DNAJC18: variants seen among roughly 807,000 people sequenced by gnomAD.
DNAJC18 encodes the protein dnaJ homolog subfamily C member 18.
DNAJC18 carries 40 observed loss-of-function variants against 48.6 expected under a neutral mutation model. The ratio of observed to expected loss-of-function variants is 0.82; its 90% CI spans 0.64 to 1.07. DNAJC18 has a LOEUF of 1.07. Ranked by LOEUF, DNAJC18 falls within the 50% of genes least tolerant of loss-of-function variation. DNAJC18 has a pLI of 0.00. For missense variants in DNAJC18, 340 were observed against 427.7 expected, an observed-to-expected ratio of 0.79 and a Z score of 1.81; for synonymous variants, 135 against 152.2, an observed-to-expected ratio of 0.89 and a Z score of 0.83.
chr5:139,417,207 AT>A (rs1346628692), intron 7 of DNAJC18, among the ~76,000 whole-genome samples: 14 of 140,700 alleles, frequency 1.0e-4, no homozygotes, highest in South Asian at 4.6e-4. Context: ...AAAAAAAAAA[AT>A]TTTCACCCAG....
intron 3 of DNAJC18, among the ~76,000 whole-genome samples, chr5:139,426,616 T>G (rs11242465): frequency 0.72 from 109,753 of 152,062 alleles, 40,296 homozygotes; most frequent in African/African-American, 0.82. Context: ...AACAGTCCTG[T>G]AGTCATCCCA....
intron 7 of DNAJC18, among the ~76,000 whole-genome samples, chr5:139,415,344 A>G (rs552046895): frequency 6.6e-6 from 1 of 152,292 alleles, no homozygotes; most frequent in South Asian, 2.1e-4. Context: ...TATCAACACA[A>G]AACACTGTCT....
At chr5:139,425,453 C>T (rs766485189) in intron 4 of DNAJC18, among the ~76,000 whole-genome samples, 4 of 152,168 alleles carry the variant, frequency 2.6e-5, no homozygotes, top group African/African-American at 7.2e-5. Flanking sequence ...CGTAAGCTAC[C>T]GCGCCTGACC....
At chr5:139,437,757 A>C (rs1214080273) in intron 1 of DNAJC18, among the ~76,000 whole-genome samples, 199 bp from the exon 2 acceptor site, 1 of 152,188 alleles carries the variant, frequency 6.6e-6, no homozygotes, top group Non-Finnish European at 1.5e-5. Flanking sequence ...GTCAGAAGAG[A>C]CACTGCTCGT....
chr5:139,431,027 G>A (rs761224964), intron 2 of DNAJC18, among the ~76,000 whole-genome samples: 9 of 152,060 alleles, frequency 5.9e-5, no homozygotes, highest in Non-Finnish European at 1.0e-4. Context: ...GAAATTCATC[G>A]TAAGTCAGTA....
At chr5:139,428,509 C>T in intron 3 of DNAJC18, 29 bp downstream of exon 3, 1 of 1,593,456 alleles carries the variant, frequency 6.3e-7, no homozygotes, top group Non-Finnish European at 8.5e-7. Flanking sequence ...ATGACAAGGG[C>T]ACCATTGAGC....
At position 139,412,246 on chromosome 5, in the gene DNAJC18, G is replaced by A. The variant is rs1759005892; in HGVS notation, c.*1902C>T. 1 of 152,570 alleles carries A rather than the reference G, an allele frequency of 6.6e-6. No homozygotes were observed. The highest frequency in any genetic ancestry group is 2.1e-4 in the South Asian group (1 of 4,832). 9.5% of individuals were successfully genotyped at this position (152,570 alleles called of 1,614,324 possible). Reference sequence around the variant, plus strand: ...CTGTGTAAATCATGGCCATGCATTGGGATGAAGAAACTTTACTTTGGAATC... The same window carrying A: ...CTGTGTAAATCATGGCCATGCATTGAGATGAAGAAACTTTACTTTGGAATC... On this transcript the variant is annotated 3_prime_UTR_variant, in exon 8 of 8. Transcript: ENST00000302060.
At position 139,422,784 on chromosome 5, in the gene DNAJC18, C is replaced by A. The variant is rs534046511; in HGVS notation, c.703G>T (p.Val235Phe). The change falls in exon 6 of 8, where the codon GTT (valine) becomes TTT (phenylalanine). Residue 235 changes from valine (V) to phenylalanine (F), a missense_variant. Val to Phe is a conservative substitution (Grantham distance 50). Transcript: ENST00000302060. Reference protein sequence around the residue: ...TYSAFIQLLPVLVIVIISVIT... With the variant: ...TYSAFIQLLPFLVIVIISVIT... ...ACAGATATAATCACAATCACAAGAA[C>A]TGGAAGTAGCTGAATAAATGCAGAA... 6.2e-7 allele frequency: 1 copy of A among 1,608,784 alleles called. No individual in the cohort carries two copies. The highest frequency in any genetic ancestry group is 1.3e-5 in the African/African-American group (1 of 74,466).
At chr5:139,430,566 C>T (rs1723816847) in intron 2 of DNAJC18, among the ~76,000 whole-genome samples, 1 of 150,520 alleles carries the variant, frequency 6.6e-6, no homozygotes, top group South Asian at 2.1e-4. Context: ...TAAATATTAC[C>T]TAGTACTATA....
chr5:139,435,704 A>ATTTTTTTTTTTTTTTTTTTTTTT (rs1561470246), intron 2 of DNAJC18, among the ~76,000 whole-genome samples: 1 of 20,130 alleles, frequency 5.0e-5, no homozygotes, highest in African/African-American at 1.2e-4. Flanking sequence ...CTTCATTGGA[A>ATTTTTTTTTTTTTTTTTTTTTTT]GTTTTTTTTT....
At chr5:139,438,580 G>A (rs1369127138) in intron 1 of DNAJC18, among the ~76,000 whole-genome samples, 8 of 152,166 alleles carry the variant, frequency 5.3e-5, no homozygotes. Flanking sequence ...CTTCTCTGGA[G>A]GACCTGAGAA....
intron 4 of DNAJC18, 142 bp from the exon 5 acceptor site, chr5:139,425,256 T>G: frequency 1.8e-6 from 1 of 542,994 alleles, no homozygotes; most frequent in Non-Finnish European, 3.2e-6. Flanking sequence ...CTCTGCTTCC[T>G]GGGTTCAAGC....
At chr5:139,433,413 C>T (rs1454983881) in intron 2 of DNAJC18, among the ~76,000 whole-genome samples, 4 of 146,460 alleles carry the variant, frequency 2.7e-5, no homozygotes, top group South Asian at 4.5e-4. Flanking sequence ...CACTGCACTC[C>T]GGCTTGGGCG....
intron 2 of DNAJC18, among the ~76,000 whole-genome samples, chr5:139,430,825 C>T (rs1759319875): frequency 6.6e-6 from 1 of 152,116 alleles, no homozygotes. Context: ...CCTGCCTTGG[C>T]CTCCTAAAGT....
At chr5:139,418,132 C>T (rs1349801953) in intron 7 of DNAJC18, among the ~76,000 whole-genome samples, 1 of 152,192 alleles carries the variant, frequency 6.6e-6, no homozygotes, top group Admixed American at 6.5e-5. Context: ...TGGGGATTTT[C>T]AGGACATACA....
intron 2 of DNAJC18, among the ~76,000 whole-genome samples, chr5:139,431,169 T>A (rs1342149074): frequency 6.6e-6 from 1 of 152,154 alleles, no homozygotes; most frequent in East Asian, 1.9e-4. Flanking sequence ...CAGGACTCCC[T>A]CTCCTAAATT....
intron 5 of DNAJC18, among the ~76,000 whole-genome samples, chr5:139,423,750 C>CAA (rs58355923): frequency 2.4e-5 from 3 of 127,098 alleles, no homozygotes; most frequent in Non-Finnish European, 3.5e-5. Context: ...TTCCAAAATC[C>CAA]AAAAAAAAAA....
At chr5:139,426,440 AGAGGTGACTCGTGCTG>A in intron 3 of DNAJC18, 83 bp from the exon 4 acceptor site, 4 of 1,514,332 alleles carry the variant, frequency 2.6e-6, no homozygotes, top group Non-Finnish European at 3.6e-6. Flanking sequence ...CAAAGAGCCT[AGAGGTGACTCGTGCTG>A]GACAACTTCG....
At position 139,420,274 on chromosome 5, in the gene DNAJC18, A is replaced by G. The variant is rs1478067110; in HGVS notation, c.780-49T>C. On this transcript the variant is annotated intron_variant, in intron 6 of 7. Coordinates refer to ENST00000302060, the MANE Select transcript of DNAJC18 (RefSeq NM_152686.4). ...ATGTGAGCTCATAATATTTGGCAATATTACTCTTAGCACTGCCCTCACAGA... is the reference window on the plus strand; with the variant it reads ...ATGTGAGCTCATAATATTTGGCAATGTTACTCTTAGCACTGCCCTCACAGA... 1.9e-6 allele frequency: 3 copies of G among 1,556,620 alleles called. No homozygotes were observed. In the Middle Eastern group the frequency reaches 6.4e-4, roughly 332 times the overall value.
Sources: allele counts gnomAD v4.1 joint callset (sites outside exome capture counted in the v4.1 genomes callset), GRCh38; gene constraint gnomAD v4.1.1; transcripts MANE v1.5; gene names NCBI Gene and HGNC (gene_info 2026-07-23, HGNC 2026-07-21).